The following IQCK variants were observed in gnomAD, a reference collection of about 807,000 sequenced individuals.
IQCK encodes the protein IQ domain-containing protein K.
IQCK carries 29 observed loss-of-function variants against 28.1 expected under a neutral mutation model. The observed-to-expected ratio is 1.03, with a 90% CI of 0.77 to 1.41. The LOEUF is 1.41. Ranked by LOEUF, IQCK falls within the 40% of genes most tolerant of loss-of-function variation. The pLI is 0.00. For missense variants in IQCK, 359 were observed against 314.7 expected, an observed-to-expected ratio of 1.14 and a Z score of -1.07; for synonymous variants, 113 against 115.1, an observed-to-expected ratio of 0.98 and a Z score of 0.12.
At chr16:19,835,496 T>G (rs2056283386) in intron 9 of IQCK, among the ~76,000 whole-genome samples, 1 of 152,162 alleles carries the variant, frequency 6.6e-6, no homozygotes, top group Non-Finnish European at 1.5e-5. Flanking sequence ...TATGAATGGA[T>G]AGTTGGCTTG....
Position 19,814,387 on chromosome 16 carries a change from G to A in IQCK, c.691-12639G>A, listed in dbSNP as rs114317118. Among the ~76,000 whole-genome samples the A allele has an allele frequency of 4.8e-3, 730 of 152,026 alleles. 4 individuals carry two copies. The highest frequency in any genetic ancestry group is 0.015 in the African/African-American group (642 of 41,488). ...ACCATCGCACTCCAGCCTGGGTGAC[G>A]AGAAACTCCATCTCAATAAAGAAAA... is the stretch of plus-strand genomic sequence containing the variant. On this transcript the variant is annotated intron_variant, in intron 7 of 7. Coordinates refer to ENST00000564186, the Ensembl canonical transcript of IQCK.
rs112145427 is a variant in IQCK at position 19,836,860 on chromosome 16, C to T, written c.802+9723C>T. On this transcript the variant is annotated intron_variant, in intron 9 of 9. Coordinates refer to the IQCK transcript ENST00000320394. The stretch of plus-strand genomic sequence containing the variant: ...ATAGATAAATCTACAAACCCCTAGA[C>T]GGCTCATGACCAGATTGGGCTAAGT... 8.3e-3 allele frequency among the ~76,000 whole-genome samples: 1,258 copies of T among 152,238 alleles called. 19 individuals carry two copies. Among genetic ancestry groups the T allele is most frequent in the African/African-American group, 0.028 (1,180 of 41,554 alleles).
intron 4 of IQCK, among the ~76,000 whole-genome samples, chr16:19,741,681 G>A (rs2054837311): frequency 6.6e-6 from 1 of 152,094 alleles, no homozygotes; most frequent in African/African-American, 2.4e-5. Context: ...TAGAAAATGT[G>A]GGTTGTTAAA....
exon 1 of IQCK, chr16:19,718,452 C>T: frequency 6.2e-7 from 1 of 1,607,524 alleles, no homozygotes; most frequent in Non-Finnish European, 8.5e-7. Context: ...GTCACCGAGC[C>T]GTCAAGCAAG....
intron 4 of IQCK, among the ~76,000 whole-genome samples, chr16:19,736,482 G>A (rs550911102): frequency 2.6e-5 from 4 of 152,130 alleles, no homozygotes; most frequent in African/African-American, 4.8e-5. Context: ...CAGTGAACTC[G>A]GTAGAAACCG....
intron 1 of IQCK, among the ~76,000 whole-genome samples, chr16:19,721,557 C>G (rs555655550): frequency 6.6e-6 from 1 of 150,800 alleles, no homozygotes; most frequent in Non-Finnish European, 1.5e-5. Flanking sequence ...TTAATCAAGA[C>G]AATCAAAGGA....
chr16:19,781,521 T>A (rs1312754745), intron 6 of IQCK, among the ~76,000 whole-genome samples: 1 of 152,220 alleles, frequency 6.6e-6, no homozygotes, highest in Non-Finnish European at 1.5e-5. Context: ...TGCTTTAGGC[T>A]ACAGAGAGTA....
chr16:19,852,824 G>A (rs949215162), intron 9 of IQCK, among the ~76,000 whole-genome samples: 4 of 151,930 alleles, frequency 2.6e-5, no homozygotes, highest in African/African-American at 4.8e-5. Flanking sequence ...GGGTTTCACC[G>A]TGTTAGCCAG....
intron 6 of IQCK, among the ~76,000 whole-genome samples, chr16:19,767,566 C>T (rs1224839853): frequency 1.3e-5 from 2 of 152,122 alleles, no homozygotes; most frequent in African/African-American, 2.4e-5. Flanking sequence ...ACATCCTCTC[C>T]GTGAGCAGCT....
intron 9 of IQCK, among the ~76,000 whole-genome samples, chr16:19,846,208 C>G (rs985209926): frequency 1.3e-5 from 2 of 152,122 alleles, no homozygotes; most frequent in Non-Finnish European, 2.9e-5. Context: ...CTGAGGCTTC[C>G]AAGATGTTGA....
At chr16:19,754,730 A>G (rs913436958) in intron 4 of IQCK, among the ~76,000 whole-genome samples, 2 of 152,076 alleles carry the variant, frequency 1.3e-5, no homozygotes, top group Admixed American at 1.3e-4. Flanking sequence ...TATCCTTTTA[A>G]AAGTACAAGG....
At chr16:19,747,737 G>A (rs1158855949) in intron 4 of IQCK, among the ~76,000 whole-genome samples, 2 of 152,096 alleles carry the variant, frequency 1.3e-5, no homozygotes, top group African/African-American at 4.8e-5. Flanking sequence ...AAGAACATGC[G>A]ATATTTGACT....
intron 4 of IQCK, among the ~76,000 whole-genome samples, chr16:19,755,621 GT>G (rs1567544208): frequency 3.3e-5 from 5 of 152,222 alleles, no homozygotes; most frequent in Non-Finnish European, 2.9e-5. Context: ...CAGAACCGTT[GT>G]TGGATGACTG....
intron 1 of IQCK, among the ~76,000 whole-genome samples, chr16:19,720,458 G>A (rs1977457971): frequency 6.6e-6 from 1 of 152,236 alleles, no homozygotes. Context: ...TCATCTGTAA[G>A]AGACAGATAA....
intron 4 of IQCK, among the ~76,000 whole-genome samples, chr16:19,741,484 A>T (rs1035192940): frequency 6.6e-6 from 1 of 152,162 alleles, no homozygotes; most frequent in African/African-American, 2.4e-5. Flanking sequence ...GCTTTGAAAG[A>T]ACCAGATAAA....
At chr16:19,757,912 G>T (rs970369448) in intron 4 of IQCK, among the ~76,000 whole-genome samples, 1 of 151,966 alleles carries the variant, frequency 6.6e-6, no homozygotes. Flanking sequence ...CATTCATCTC[G>T]GTTTTTTGGA....
At chr16:19,772,715 T>A (rs1288697199) in intron 6 of IQCK, among the ~76,000 whole-genome samples, 22 of 152,150 alleles carry the variant, frequency 1.4e-4, no homozygotes, top group South Asian at 8.3e-4. Flanking sequence ...AAAATTTTTT[T>A]AAATGAGATT....
intron 4 of IQCK, among the ~76,000 whole-genome samples, chr16:19,738,700 CA>C (rs2054789860): frequency 6.6e-6 from 1 of 152,162 alleles, no homozygotes; most frequent in Admixed American, 6.5e-5. Flanking sequence ...AGGAAGAACT[CA>C]ATACATGTTA....
At chr16:19,820,512 A>C (rs1190021352) in intron 7 of IQCK, among the ~76,000 whole-genome samples, 2 of 152,016 alleles carry the variant, frequency 1.3e-5, no homozygotes, top group Non-Finnish European at 2.9e-5. Context: ...AGCTGGGCGC[A>C]GGGGCGGGCG....
Sources: allele counts gnomAD v4.1 joint callset (sites outside exome capture counted in the v4.1 genomes callset), GRCh38; gene constraint gnomAD v4.1.1; transcripts MANE v1.5; gene names NCBI Gene and HGNC (gene_info 2026-07-23, HGNC 2026-07-21).